The following CEP57L1 variants were observed in gnomAD, a reference collection of about 807,000 sequenced individuals.
CEP57L1 encodes centrosomal protein 57 like 1.
In CEP57L1, 37 loss-of-function variants were observed where a neutral mutation model predicts 61.0. The observed-to-expected ratio is 0.61, with a 90% CI of 0.47 to 0.80. The LOEUF (loss-of-function observed/expected upper bound fraction) is 0.80. Ranked by LOEUF, CEP57L1 falls within the 30% of genes least tolerant of loss-of-function variation. The pLI is 0.00. For synonymous variants in CEP57L1, 137 were observed against 162.3 expected, an observed-to-expected ratio of 0.84 and a Z score of 1.19; for missense variants, 422 against 524.7, an observed-to-expected ratio of 0.80 and a Z score of 1.91.
At chr6:109,100,690 A>G (rs989378045) in intron 1 of CEP57L1, among the ~76,000 whole-genome samples, 14 of 149,042 alleles carry the variant, frequency 9.4e-5, no homozygotes, top group South Asian at 4.2e-4. Context: ...AAAAAAAAAA[A>G]AAGAAGAAAG....
chr6:109,156,641 G>C (rs1773246359), intron 7 of CEP57L1: 1 of 152,094 alleles, frequency 6.6e-6, no homozygotes, highest in Admixed American at 6.6e-5. Flanking sequence ...TGAATGGAGT[G>C]AGTGTTCTCT....
At position 109,173,364 on chromosome 6, in the gene CEP57L1, T is replaced by G. The variant is rs1004580447; in HGVS notation, c.*10394T>G. 5.3e-5 allele frequency among the ~76,000 whole-genome samples: 8 copies of G among 151,670 alleles called. No individual in the cohort carries two copies. The highest frequency in any genetic ancestry group is 1.9e-4 in the African/African-American group (8 of 41,358). On this transcript the variant is annotated 3_prime_UTR_variant, in exon 11 of 11. Coordinates refer to ENST00000517392, the MANE Select transcript of CEP57L1 (RefSeq NM_001271852.3). ...TATTCAAGGGTGGCCTATTGAGAGT[T>G]TGAGATAAAGAAGAAAGGAATCTTT... is the stretch of plus-strand genomic sequence containing the variant.
chr6:109,113,991 A>G lies in CEP57L1; in HGVS notation c.-4+18416A>G, dbSNP rs181770470. Among the ~76,000 whole-genome samples, 28 of 152,162 alleles carry G rather than the reference A, an allele frequency of 1.8e-4. 1 individual carries two copies. Among genetic ancestry groups the G allele is most frequent in the African/African-American group, 6.5e-4 (27 of 41,528 alleles). The stretch of plus-strand genomic sequence containing the variant: ...GGTTGTTTGTATATATTTCTTGGCT[A>G]TTGTGAATAATGCTGCAGTGAACAT... On this transcript the variant is annotated intron_variant, in intron 1 of 10. Coordinates refer to ENST00000517392, the MANE Select transcript of CEP57L1 (RefSeq NM_001271852.3).
chr6:109,123,311 A>G (rs755496870), intron 1 of CEP57L1, among the ~76,000 whole-genome samples: 2 of 152,144 alleles, frequency 1.3e-5, no homozygotes, highest in Non-Finnish European at 2.9e-5. Flanking sequence ...TAAAATTGGC[A>G]TGTCTCTATT....
chr6:109,097,514 T>C (rs1781845461), intron 1 of CEP57L1, among the ~76,000 whole-genome samples: 1 of 152,234 alleles, frequency 6.6e-6, no homozygotes, highest in African/African-American at 2.4e-5. Flanking sequence ...AGTCATTGGT[T>C]CTCATATTCC....
Position 109,155,221 on chromosome 6 carries a change from CTT to C in CEP57L1, c.580-6_580-5del, listed in dbSNP as rs1562138360. On this transcript the variant is annotated splice_region_variant and splice_polypyrimidine_tract_variant and intron_variant, in intron 5 of 10. Coordinates refer to ENST00000517392, the MANE Select transcript of CEP57L1 (RefSeq NM_001271852.3). ...TTATGTAACAATCTTAGTTTTTACT[CTT>C]TTGCAGGACAAGATTAAACATTTAG... The C allele has an allele frequency of 6.5e-7, 1 of 1,534,474 alleles. No homozygotes were observed. The highest frequency in any genetic ancestry group is 8.9e-7 in the Non-Finnish European group (1 of 1,126,054).
intron 10 of CEP57L1, among the ~76,000 whole-genome samples, 193 bp from the exon 11 acceptor site, chr6:109,162,556 C>T (rs1387110147): frequency 1.3e-5 from 2 of 151,938 alleles, no homozygotes; most frequent in African/African-American, 4.8e-5. Flanking sequence ...GCTTTTTTCT[C>T]ATTATATTTC....
In CEP57L1 at chr6:109,165,414, C is replaced by CA. The variant is rs75804779; in HGVS notation, c.*2460dup. ...ATAAATATTTTTTGAATCTGAGTGG[C>CA]AAAAAAAAAAAAAAAATGTAGAACA... On this transcript the variant is annotated 3_prime_UTR_variant, in exon 11 of 11. Transcript: ENST00000517392. 2.5e-3 allele frequency among the ~76,000 whole-genome samples: 272 copies of CA among 108,660 alleles called. No homozygotes were observed. Among genetic ancestry groups the CA allele is most frequent in the Middle Eastern group, 0.016 (3 of 190 alleles). 71.3% of individuals were successfully genotyped at this position (108,660 alleles called of 152,430 possible). A position where few individuals can be genotyped will look rare whatever the true frequency, so the allele number is the denominator to read the frequency against.
intron 1 of CEP57L1, among the ~76,000 whole-genome samples, chr6:109,135,226 A>G (rs1468145787): frequency 6.6e-6 from 1 of 152,220 alleles, no homozygotes; most frequent in African/African-American, 2.4e-5. Flanking sequence ...ATATAGACCA[A>G]TGGAACAGAA....
intron 1 of CEP57L1, among the ~76,000 whole-genome samples, chr6:109,099,248 T>G (rs1173330140): frequency 6.6e-6 from 1 of 152,126 alleles, no homozygotes; most frequent in African/African-American, 2.4e-5. Context: ...TCACCAAAAG[T>G]GATATTCTAT....
In CEP57L1 at chr6:109,169,914, A is replaced by G. The variant is rs552418784; in HGVS notation, c.*6944A>G. On this transcript the variant is annotated 3_prime_UTR_variant, in exon 11 of 11. Transcript: ENST00000517392. ...ATACCACCAATGTAGTACTCTTTAA[A>G]AACATGTCATCTTACTCAGCAATCA... Among the ~76,000 whole-genome samples the G allele has an allele frequency of 6.6e-6, 1 of 152,358 alleles. No individual in the cohort carries two copies. Among genetic ancestry groups the G allele is most frequent in the African/African-American group, 2.4e-5 (1 of 41,592 alleles).
intron 3 of CEP57L1, 100 bp from the exon 4 acceptor site, chr6:109,150,018 G>A: frequency 1.7e-6 from 1 of 591,000 alleles, no homozygotes; most frequent in East Asian, 3.7e-5. Context: ...GGAGATTTTG[G>A]GCTGAGACAA....
At chr6:109,154,476 G>A (rs1773010778) in intron 5 of CEP57L1, among the ~76,000 whole-genome samples, 1 of 151,486 alleles carries the variant, frequency 6.6e-6, no homozygotes, top group Non-Finnish European at 1.5e-5. Context: ...TGCCTGTCAA[G>A]TTATTTCCTT....
chr6:109,104,142 GA>G (rs1770643500), intron 1 of CEP57L1, among the ~76,000 whole-genome samples: 1 of 150,538 alleles, frequency 6.6e-6, no homozygotes, highest in South Asian at 2.1e-4. Context: ...TTACATAGAA[GA>G]TATCTTACTA....
In CEP57L1 at chr6:109,172,811, T is replaced by C. The variant is rs529486029; in HGVS notation, c.*9841T>C. On this transcript the variant is annotated 3_prime_UTR_variant, in exon 11 of 11. Coordinates refer to ENST00000517392, the MANE Select transcript of CEP57L1 (RefSeq NM_001271852.3). Reference sequence around the variant, plus strand: ...TACAAAGACCTTCTTATAAGTCTAGTTAATAAAACTAGGGCCATGTGTTAC... The same window carrying C: ...TACAAAGACCTTCTTATAAGTCTAGCTAATAAAACTAGGGCCATGTGTTAC... 1.3e-5 allele frequency among the ~76,000 whole-genome samples: 2 copies of C among 152,322 alleles called. No homozygotes were observed. Among genetic ancestry groups the C allele is most frequent in the African/African-American group, 4.8e-5 (2 of 41,574 alleles).
At chr6:109,127,264 G>C (rs1773664838) in intron 1 of CEP57L1, among the ~76,000 whole-genome samples, 1 of 152,192 alleles carries the variant, frequency 6.6e-6, no homozygotes, top group South Asian at 2.1e-4. Context: ...AGGCTGCTTA[G>C]TAAAAATTTA....
rs141674149 is a variant in CEP57L1 at position 109,155,850 on chromosome 6, C to T, written c.717C>T (p.His239=). ...TGTCTTCAGTTTCAAATCTAAAGCA[C>T]TCCAAGGAAAAGAAGAAATCTTCAA... ...IIMSSVSNLK[H]SKEKKKSSKK... The change falls in exon 7 of 11, where the codon CAC becomes CAT. Residue 239 remains histidine (H), a synonymous_variant. Coordinates refer to ENST00000517392, the MANE Select transcript of CEP57L1 (RefSeq NM_001271852.3). 163 of 1,586,066 alleles carry T rather than the reference C, an allele frequency of 1.0e-4. 1 individual carries two copies. In the African/African-American group the frequency reaches 1.7e-3, roughly 17 times the overall value.
Position 109,167,315 on chromosome 6 carries a change from A to G in CEP57L1, c.*4345A>G, listed in dbSNP as rs1164571874. On this transcript the variant is annotated 3_prime_UTR_variant, in exon 11 of 11. Transcript: ENST00000517392. ...TACTTTTGCTGTAGATTGTTTACTT[A>G]AAGAATTAGGTGAATTTTTTTTTTC... 6.7e-6 allele frequency among the ~76,000 whole-genome samples: 1 copy of G among 150,302 alleles called. No homozygotes were observed. The highest frequency in any genetic ancestry group is 2.5e-5 in the African/African-American group (1 of 40,280).
chr6:109,119,390 CAGT>C (rs1458409142), intron 1 of CEP57L1, among the ~76,000 whole-genome samples: 1 of 152,074 alleles, frequency 6.6e-6, no homozygotes, highest in African/African-American at 2.4e-5. Context: ...GACACCTAAT[CAGT>C]GGTGGTAAGG....
Sources: allele counts gnomAD v4.1 joint callset (sites outside exome capture counted in the v4.1 genomes callset), GRCh38; gene constraint gnomAD v4.1.1; transcripts MANE v1.5; gene names NCBI Gene and HGNC (gene_info 2026-07-23, HGNC 2026-07-21).